NPAS2: variants seen among roughly 807,000 people sequenced by gnomAD.
The protein encoded by NPAS2 is neuronal PAS domain-containing protein 2.
Under a neutral mutation model 107.5 loss-of-function variants are expected in NPAS2, and 23 were observed. That is an observed-to-expected ratio of 0.21 (90% CI 0.15 to 0.30). NPAS2 has a LOEUF of 0.30. NPAS2 is among the 10% of genes least tolerant of loss of function. The pLI, the probability that NPAS2 is intolerant of heterozygous loss-of-function variation, is 1.00. For missense variants in NPAS2, 756 were observed against 1,043.3 expected (o/e 0.72, Z 3.79); for synonymous variants, 403 against 417.5 (o/e 0.97, Z 0.42).
Position 100,996,057 on chromosome 2 carries a change from GGTT to G in NPAS2, c.*479_*481del, listed in dbSNP as rs1384092947. The G allele has an allele frequency of 2.1e-6, 2 of 961,160 alleles. No individual in the cohort carries two copies. Among genetic ancestry groups the G allele is most frequent in the Admixed American group, 7.6e-5 (2 of 26,462 alleles). The allele number at this position is 961,160 out of a possible 1,614,324, so 59.5% of individuals were successfully genotyped here. ...AGATTATTTTTCATTATTTTTAAAT[GGTT>G]GTTTTTGTTTTAATTTGCACAGCTA... On this transcript the variant is annotated 3_prime_UTR_variant, in exon 21 of 21. Transcript: ENST00000335681.
chr2:100,913,089 T>A (rs890600864), intron 2 of NPAS2, among the ~76,000 whole-genome samples: 6 of 151,878 alleles, frequency 4.0e-5, no homozygotes, highest in African/African-American at 4.8e-5. Flanking sequence ...TCCCTCCACC[T>A]CTCTTCAGCT....
At chr2:100,934,701 G>C in intron 4 of NPAS2, 1 of 735,284 alleles carries the variant, frequency 1.4e-6, no homozygotes, top group East Asian at 1.3e-4. Flanking sequence ...ACCTAGTGCT[G>C]AGTGACTGGA....
chr2:100,955,161 C>T (rs1675495262), intron 7 of NPAS2, among the ~76,000 whole-genome samples: 1 of 152,172 alleles, frequency 6.6e-6, no homozygotes. Flanking sequence ...GACACTTGCT[C>T]ATACCTTGAT....
At chr2:100,838,431 C>T (rs1005979318) in intron 1 of NPAS2, among the ~76,000 whole-genome samples, 1 of 152,084 alleles carries the variant, frequency 6.6e-6, no homozygotes, top group African/African-American at 2.4e-5. Context: ...GCACCCACCA[C>T]CACGCCTGAC....
chr2:100,829,400 G>A (rs543881745), intron 1 of NPAS2, among the ~76,000 whole-genome samples: 43 of 152,172 alleles, frequency 2.8e-4, no homozygotes, highest in South Asian at 6.2e-4. Context: ...TGATCCGCCC[G>A]CCTGATCCCA....
At chr2:100,899,092 G>A (rs1197071707) in intron 1 of NPAS2, among the ~76,000 whole-genome samples, 2 of 152,200 alleles carry the variant, frequency 1.3e-5, no homozygotes, top group Non-Finnish European at 2.9e-5. Context: ...AACTCGCAGA[G>A]CCAAGGGGTG....
chr2:100,925,732 A>G (rs1683519211), intron 3 of NPAS2, among the ~76,000 whole-genome samples: 1 of 152,158 alleles, frequency 6.6e-6, no homozygotes, highest in Admixed American at 6.5e-5. Flanking sequence ...GCGCTACATC[A>G]TGAAAAAATA....
intron 4 of NPAS2, chr2:100,935,076 C>A: frequency 1.0e-6 from 1 of 982,576 alleles, no homozygotes; most frequent in Non-Finnish European, 1.2e-6. Context: ...TTTGAAAAAA[C>A]AAAATTGACC....
rs143904319 is a variant in NPAS2, at chr2:100,954,037, T to C, written c.598+4557T>C. Among the ~76,000 whole-genome samples the C allele has an allele frequency of 5.3e-3, 808 of 151,942 alleles. 2 individuals are homozygous for C. The highest frequency in any genetic ancestry group is 0.017 in the African/African-American group (698 of 41,452). ...AGGGCCACACAGAGAAGCACCGGGG[T>C]TGGTCAGGAGGCCGAGGGAACCTTT... is the stretch of plus-strand genomic sequence containing the variant. On this transcript the variant is annotated intron_variant, in intron 7 of 20. Coordinates refer to ENST00000335681, the MANE Select transcript of NPAS2 (RefSeq NM_002518.4).
chr2:100,902,014 TCTC>T (rs976886549), intron 1 of NPAS2, among the ~76,000 whole-genome samples: 3 of 151,940 alleles, frequency 2.0e-5, no homozygotes, highest in African/African-American at 7.3e-5. Flanking sequence ...CCAAACAAAA[TCTC>T]CTCTGCTTTC....
At chr2:100,902,830 A>G (rs145377994) in intron 1 of NPAS2, among the ~76,000 whole-genome samples, 1 of 152,346 alleles carries the variant, frequency 6.6e-6, no homozygotes, top group East Asian at 1.9e-4. Context: ...AACTCAGCTT[A>G]GAGGCCCTCT....
At chr2:100,835,298 T>C (rs1676987738) in intron 1 of NPAS2, among the ~76,000 whole-genome samples, 1 of 152,338 alleles carries the variant, frequency 6.6e-6, no homozygotes, top group Middle Eastern at 3.4e-3. Context: ...TCGTTTTTAT[T>C]TACTTTTTCT....
chr2:100,821,713 C>G (rs976243976), intron 1 of NPAS2, among the ~76,000 whole-genome samples: 3 of 152,176 alleles, frequency 2.0e-5, no homozygotes, highest in Non-Finnish European at 4.4e-5. Flanking sequence ...CAGAGCTGCC[C>G]TCCTTGGGAG....
Position 100,877,870 on chromosome 2 carries a change from AT to A in NPAS2, c.-22-26862del, listed in dbSNP as rs537708422. 65 of 664,148 alleles carry A rather than the reference AT, an allele frequency of 9.8e-5. 1 individual carries two copies. In the East Asian group the frequency reaches 7.6e-3, roughly 78 times the overall value. 41.1% of individuals were successfully genotyped at this position (664,148 alleles called of 1,614,324 possible). A position where few individuals can be genotyped will look rare whatever the true frequency, so the allele number is the denominator to read the frequency against. On this transcript the variant is annotated intron_variant, in intron 1 of 20. Transcript: ENST00000335681. ...TCATTTCACATACTGCCTTGTAAGA[AT>A]GCCAAGGACCTTCTCTTGTACAATA...
At position 100,911,475 on chromosome 2, in the gene NPAS2, A is replaced by G. The variant is rs191612809; in HGVS notation, c.32+6689A>G. 8.5e-5 allele frequency among the ~76,000 whole-genome samples: 13 copies of G among 152,318 alleles called. No homozygotes were observed. In the East Asian group the frequency reaches 2.3e-3, roughly 27 times the overall value. ...GTTTTGCTCTTATTGCCCAGACTAG[A>G]GTGCAGTGGCGCAATCATGGCTCAC... On this transcript the variant is annotated intron_variant, in intron 2 of 20. Coordinates refer to ENST00000335681, the MANE Select transcript of NPAS2 (RefSeq NM_002518.4).
chr2:100,900,939 G>A (rs1404152681), intron 1 of NPAS2, among the ~76,000 whole-genome samples: 1 of 151,476 alleles, frequency 6.6e-6, no homozygotes, highest in African/African-American at 2.4e-5. Context: ...TATTCCCCAG[G>A]CAGGTCTCAA....
Position 100,893,159 on chromosome 2 carries a change from C to T in NPAS2, c.-22-11574C>T, listed in dbSNP as rs540743208. 2.1e-3 allele frequency among the ~76,000 whole-genome samples: 323 copies of T among 152,342 alleles called. 1 individual carries two copies. Among genetic ancestry groups the T allele is most frequent in the African/African-American group, 7.5e-3 (313 of 41,576 alleles). ...ATAAGTGAGCGTCGCAGTTCATCAG[C>T]AACTGTTGCTCAAAGGCTTTTTATT... On this transcript the variant is annotated intron_variant, in intron 1 of 20. Transcript: ENST00000335681.
At chr2:100,912,247 TATTTATTTATTA>T (rs1401698204) in intron 2 of NPAS2, among the ~76,000 whole-genome samples, 16 of 108,282 alleles carry the variant, frequency 1.5e-4, no homozygotes, top group South Asian at 3.7e-4. Flanking sequence ...TTTATTTATT[TATTTATTTATTA>T]TTATTATTTT....
rs1389068844 is a variant in NPAS2 at position 100,993,543 on chromosome 2, C to G, written c.2292+16C>G. ...CTACCTGCAGGTGGGTGCCACGGCC[C>G]AGGGGGCCCCCGTGCAGGCCTGGGA... On this transcript the variant is annotated intron_variant, in intron 20 of 20. Transcript: ENST00000335681. 2 of 1,510,620 alleles carry G rather than the reference C, an allele frequency of 1.3e-6. No individual in the cohort carries two copies. Among genetic ancestry groups the G allele is most frequent in the Admixed American group, 4.5e-5 (2 of 44,788 alleles). 93.6% of individuals were successfully genotyped at this position (1,510,620 alleles called of 1,614,324 possible).
Sources: gnomAD v4.1 joint callset for allele counts (sites outside exome capture counted in the v4.1 genomes callset) on GRCh38, gnomAD v4.1.1 for gene constraint, MANE v1.5 for transcripts, NCBI Gene and HGNC (gene_info 2026-07-23, HGNC 2026-07-21) for gene names.